Variants in CALCRL observed in about 807,000 individuals in gnomAD.
CALCRL encodes the protein calcitonin gene-related peptide type 1 receptor.
CALCRL carries 27 observed loss-of-function variants against 60.4 expected under a neutral mutation model. The ratio of observed to expected loss-of-function variants is 0.45; its 90% confidence interval spans 0.33 to 0.62. The LOEUF (loss-of-function observed/expected upper bound fraction) is 0.62. CALCRL is among the 20% of genes least tolerant of loss of function. The pLI, the probability that CALCRL is intolerant of heterozygous loss-of-function variation, is 0.03. For synonymous variants in CALCRL, 190 were observed against 182.6 expected, an observed-to-expected ratio of 1.04 and a Z score of -0.33; for missense variants, 424 against 540.7, an observed-to-expected ratio of 0.78 and a Z score of 2.14.
At chr2:187,406,374 T>G (rs1413727335) in intron 1 of CALCRL, among the ~76,000 whole-genome samples, 3 of 152,002 alleles carry the variant, frequency 2.0e-5, no homozygotes, top group Non-Finnish European at 2.9e-5. Context: ...TGGAAGTAAA[T>G]GTACTAGTGT....
intron 1 of CALCRL, among the ~76,000 whole-genome samples, chr2:187,393,607 T>G (rs1688539518): frequency 6.6e-6 from 1 of 152,104 alleles, no homozygotes; most frequent in Admixed American, 6.6e-5. Flanking sequence ...TCTCCGGGGC[T>G]ACACACCCTA....
intron 10 of CALCRL, 51 bp downstream of exon 10, chr2:187,360,547 C>A (rs763761177): frequency 6.7e-7 from 1 of 1,495,020 alleles, no homozygotes; most frequent in Non-Finnish European, 9.0e-7. Context: ...TGGCATCCTC[C>A]AAAGGCTTCT....
At chr2:187,426,277 T>C (rs565106040) in intron 1 of CALCRL, among the ~76,000 whole-genome samples, 117 of 151,724 alleles carry the variant, frequency 7.7e-4, no homozygotes, top group African/African-American at 2.8e-3. Context: ...ATTGCTGTGA[T>C]GTAAATCTCT....
At chr2:187,354,064 C>A in intron 12 of CALCRL, among the ~76,000 whole-genome samples, 1 of 151,934 alleles carries the variant, frequency 6.6e-6, no homozygotes, top group East Asian at 1.9e-4. Context: ...ACTTTATTTT[C>A]TGTAAATATT....
chr2:187,370,182 G>A (rs1366970441), intron 8 of CALCRL, among the ~76,000 whole-genome samples: 1 of 152,076 alleles, frequency 6.6e-6, no homozygotes, highest in African/African-American at 2.4e-5. Context: ...AATATTAGCA[G>A]CATAATATCT....
chr2:187,419,881 T>C (rs1689795953), intron 1 of CALCRL, among the ~76,000 whole-genome samples: 2 of 152,202 alleles, frequency 1.3e-5, no homozygotes, highest in African/African-American at 2.4e-5. Flanking sequence ...TATGCCATTA[T>C]AAATAGCAGT....
intron 12 of CALCRL, among the ~76,000 whole-genome samples, chr2:187,358,754 A>G (rs1468234620): frequency 1.8e-4 from 27 of 152,068 alleles, no homozygotes; most frequent in Admixed American, 1.7e-3. Context: ...TCAAGATCAG[A>G]TCTCTTACTG....
chr2:187,390,693 T>C (rs1688399557), intron 1 of CALCRL, among the ~76,000 whole-genome samples: 1 of 152,176 alleles, frequency 6.6e-6, no homozygotes, highest in Admixed American at 6.6e-5. Flanking sequence ...TTTATAGCTT[T>C]CCTTCTTTAC....
At chr2:187,443,877 T>C (rs1355519) in intron 1 of CALCRL, among the ~76,000 whole-genome samples, 51,737 of 151,554 alleles carry the variant, frequency 0.34, 9,373 homozygotes, top group African/African-American at 0.46. Context: ...AAAATATCTG[T>C]GTAATCATTG....
At position 187,389,381 on chromosome 2, in the gene CALCRL, T is replaced by G. The variant is rs573920756; in HGVS notation, c.-292-1625A>C. ...AGCCACCGTGCCTTGCCTCTATTAC[T>G]TCTTTAATAATCACTAGTATGTTTC... On this transcript the variant is annotated intron_variant, in intron 1 of 14. Coordinates refer to ENST00000392370, the MANE Select transcript of CALCRL (RefSeq NM_005795.6). Among the ~76,000 whole-genome samples the G allele has an allele frequency of 2.0e-5, 3 of 152,260 alleles. No individual in the cohort carries two copies. In the South Asian group the frequency reaches 6.2e-4, roughly 32 times the overall value.
At chr2:187,400,326 T>C (rs1559062193) in intron 1 of CALCRL, among the ~76,000 whole-genome samples, 1 of 151,292 alleles carries the variant, frequency 6.6e-6, no homozygotes, top group East Asian at 1.9e-4. Flanking sequence ...TTCCAAACCA[T>C]AATAAAATAC....
At chr2:187,380,837 A>C (rs747083794) in intron 5 of CALCRL, 50 bp from the exon 6 acceptor site, 4 of 1,403,632 alleles carry the variant, frequency 2.8e-6, no homozygotes, top group Non-Finnish European at 4.0e-6. Context: ...CTACTTATAC[A>C]TGAAGACATA....
rs553044845 is a variant in CALCRL at position 187,435,162 on chromosome 2, G to A, written c.-293+12877C>T. Among the ~76,000 whole-genome samples the A allele has an allele frequency of 4.8e-4, 73 of 152,106 alleles. 1 individual carries two copies. The highest frequency in any genetic ancestry group is 1.2e-4 in the Non-Finnish European group (8 of 68,020). ...GGGTAATTTATAAAGAAAATAGGTT[G>A]AATTGGCTCACGGTTCTGCAGGCTG... On this transcript the variant is annotated intron_variant, in intron 1 of 14. Coordinates refer to ENST00000392370, the MANE Select transcript of CALCRL (RefSeq NM_005795.6).
intron 1 of CALCRL, among the ~76,000 whole-genome samples, chr2:187,407,245 A>C (rs922664180): frequency 1.1e-4 from 16 of 152,122 alleles, no homozygotes; most frequent in African/African-American, 3.9e-4. Flanking sequence ...ACATGAAATA[A>C]TTATCCATTA....
chr2:187,380,989 A>C (rs921705394), intron 5 of CALCRL, among the ~76,000 whole-genome samples: 1 of 152,068 alleles, frequency 6.6e-6, no homozygotes, highest in Non-Finnish European at 1.5e-5. Context: ...TTCTAAATTA[A>C]ATTTAAAAAT....
chr2:187,389,457 A>G (rs560321906), intron 1 of CALCRL, among the ~76,000 whole-genome samples: 29 of 152,242 alleles, frequency 1.9e-4, no homozygotes, highest in African/African-American at 7.0e-4. Flanking sequence ...AAACTCAACC[A>G]TTTTATCCCT....
intron 1 of CALCRL, among the ~76,000 whole-genome samples, chr2:187,391,182 C>T (rs1169759191): frequency 1.3e-5 from 2 of 152,148 alleles, no homozygotes; most frequent in African/African-American, 2.4e-5. Context: ...TTTCAGCTCA[C>T]TGGTTCTCTG....
At chr2:187,443,109 T>C (rs1194857160) in intron 1 of CALCRL, among the ~76,000 whole-genome samples, 2 of 151,866 alleles carry the variant, frequency 1.3e-5, no homozygotes, top group African/African-American at 2.4e-5. Context: ...TAATTATCAA[T>C]ATCAATTTTA....
intron 1 of CALCRL, among the ~76,000 whole-genome samples, chr2:187,401,877 A>G (rs1371758267): frequency 1.3e-5 from 2 of 151,456 alleles, no homozygotes; most frequent in Non-Finnish European, 3.0e-5. Context: ...CATCCTAACT[A>G]TACTCCTTCT....
Sources: gnomAD v4.1 joint callset for allele counts (sites outside exome capture counted in the v4.1 genomes callset) on GRCh38, gnomAD v4.1.1 for gene constraint, MANE v1.5 for transcripts, NCBI Gene and HGNC (gene_info 2026-07-23, HGNC 2026-07-21) for gene names.